Variants in SEPTIN9 observed in about 807,000 individuals in gnomAD.
SEPTIN9 encodes the protein septin 9.
SEPTIN9 carries 13 observed loss-of-function variants against 56.6 expected under a neutral mutation model. That is an observed-to-expected ratio of 0.23 (90% confidence interval 0.15 to 0.37). The LOEUF (loss-of-function observed/expected upper bound fraction) is 0.37. Among genes scored for constraint, SEPTIN9 ranks in the 10% least tolerant of loss-of-function variants. SEPTIN9 has a pLI of 1.00. For synonymous variants in SEPTIN9, 332 were observed against 334.1 expected (o/e 0.99, Z 0.07); for missense variants, 650 against 823.1 (o/e 0.79, Z 2.57).
intron 2 of SEPTIN9, among the ~76,000 whole-genome samples, chr17:77,360,686 T>C (rs960975267): frequency 5.3e-5 from 8 of 152,180 alleles, no homozygotes; most frequent in Non-Finnish European, 1.2e-4. Flanking sequence ...TGCCTGAGCT[T>C]CCAGAATAGC....
In SEPTIN9 at chr17:77,476,533, C is replaced by G. The variant is rs2039221658; in HGVS notation, c.722-5611C>G. 6.6e-6 allele frequency among the ~76,000 whole-genome samples: 1 copy of G among 152,208 alleles called. No individual in the cohort carries two copies. The highest frequency in any genetic ancestry group is 6.5e-5 in the Admixed American group (1 of 15,286). ...CCTTTCATCCCTGCCTTAGACCCACCTGCAACTCTGGAGAAAAGATGGCCC... is the reference window on the plus strand; with the variant it reads ...CCTTTCATCCCTGCCTTAGACCCACGTGCAACTCTGGAGAAAAGATGGCCC... On this transcript the variant is annotated intron_variant, in intron 3 of 11. Coordinates refer to ENST00000427177, the MANE Select transcript of SEPTIN9 (RefSeq NM_001113491.2). The surrounding 1 kb of genome is among the most constrained non-coding windows in gnomAD (Gnocchi z 6.0).
intron 4 of SEPTIN9, among the ~76,000 whole-genome samples, chr17:77,486,525 C>T (rs569676551): frequency 0.041 from 4,168 of 101,796 alleles, 72 homozygotes; most frequent in Middle Eastern, 0.097. Context: ...TGTGTGTGCG[C>T]GCACGCGCGC....
chr17:77,371,670 A>G lies in SEPTIN9; in HGVS notation c.77-30389A>G, dbSNP rs1430407745. Reference sequence around the variant, plus strand: ...AGGTGCTGGAGTTCAGACAAGACATACCCTGGCCTGGCGTGGAAGATACGG... The same window carrying G: ...AGGTGCTGGAGTTCAGACAAGACATGCCCTGGCCTGGCGTGGAAGATACGG... On this transcript the variant is annotated intron_variant, in intron 2 of 11. Transcript: ENST00000427177. This position sits in a 1 kb window ranked among gnomAD's most constrained non-coding sequence, Gnocchi z 4.1. Among the ~76,000 whole-genome samples, 1 of 152,068 alleles carries G rather than the reference A, an allele frequency of 6.6e-6. No homozygotes were observed. Among genetic ancestry groups the G allele is most frequent in the African/African-American group, 2.4e-5 (1 of 41,376 alleles).
intron 3 of SEPTIN9, chr17:77,427,044 G>A (rs1446042466): frequency 6.6e-6 from 1 of 152,244 alleles, no homozygotes; most frequent in East Asian, 1.9e-4. Context: ...AGCAGCTAAG[G>A]AATTGCTATG....
At chr17:77,404,802 G>A (rs879725959) in intron 3 of SEPTIN9, among the ~76,000 whole-genome samples, 5 of 152,130 alleles carry the variant, frequency 3.3e-5, no homozygotes, top group Non-Finnish European at 2.9e-5. Context: ...CTCAGTGTGC[G>A]AGTCCCGTGT....
chr17:77,288,630 T>C (rs988873068), intron 1 of SEPTIN9, among the ~76,000 whole-genome samples: 8 of 152,236 alleles, frequency 5.3e-5, no homozygotes, highest in Admixed American at 6.5e-5. Flanking sequence ...AGAGGAATAA[T>C]GTCCATGTAA....
Position 77,435,838 on chromosome 17 carries a change from G to A in SEPTIN9, c.721+33135G>A, listed in dbSNP as rs543093723. ...CGCAAGCTTGCCAGCGCCGCACTGC[G>A]GGATCTGGAGGCCTTTGCTCCTGAG... On this transcript the variant is annotated intron_variant, in intron 3 of 11. Coordinates refer to ENST00000427177, the MANE Select transcript of SEPTIN9 (RefSeq NM_001113491.2). This position sits in a 1 kb window ranked among gnomAD's most constrained non-coding sequence, Gnocchi z 4.5. Among the ~76,000 whole-genome samples the A allele has an allele frequency of 1.3e-5, 2 of 152,352 alleles. No homozygotes were observed. The highest frequency in any genetic ancestry group is 2.1e-4 in the South Asian group (1 of 4,830).
At chr17:77,393,837 C>T (rs1398894158) in intron 2 of SEPTIN9, among the ~76,000 whole-genome samples, 1 of 152,194 alleles carries the variant, frequency 6.6e-6, no homozygotes, top group Non-Finnish European at 1.5e-5. Flanking sequence ...CCACCCACCT[C>T]AGCCTCCCAA....
rs1598183805 is a variant in SEPTIN9 at position 77,317,664 on chromosome 17, A to G, written c.76+10467A>G. Among the ~76,000 whole-genome samples the G allele has an allele frequency of 6.6e-6, 1 of 152,176 alleles. No homozygotes were observed. The highest frequency in any genetic ancestry group is 2.4e-5 in the African/African-American group (1 of 41,426). Reference sequence around the variant, plus strand: ...AATTATCTCATTATATATTATAATAATAATAGAAATAAAGTGCACAATCAA... The same window carrying G: ...AATTATCTCATTATATATTATAATAGTAATAGAAATAAAGTGCACAATCAA... On this transcript the variant is annotated intron_variant, in intron 2 of 11. Coordinates refer to ENST00000427177, the MANE Select transcript of SEPTIN9 (RefSeq NM_001113491.2). This position sits in a 1 kb window ranked among gnomAD's most constrained non-coding sequence, Gnocchi z 4.2.
chr17:77,343,245 G>A lies in SEPTIN9; in HGVS notation c.76+36048G>A, dbSNP rs185570486. ...GCAGCCTTTCCCATCCACCTCCTGC[G>A]AGGCAAGAGGGGATGAAGGTTGAGT... On this transcript the variant is annotated intron_variant, in intron 2 of 11. Coordinates refer to ENST00000427177, the MANE Select transcript of SEPTIN9 (RefSeq NM_001113491.2). 1.9e-4 allele frequency among the ~76,000 whole-genome samples: 29 copies of A among 152,296 alleles called. No individual in the cohort carries two copies. In the East Asian group the frequency reaches 4.4e-3, roughly 23 times the overall value.
At chr17:77,430,930 G>T (rs1298114841) in intron 3 of SEPTIN9, among the ~76,000 whole-genome samples, 2 of 151,892 alleles carry the variant, frequency 1.3e-5, no homozygotes, top group African/African-American at 4.8e-5. Flanking sequence ...GGCAGAGGTT[G>T]CAGTGAGCCG....
chr17:77,498,668 T>TGCCCCCCCCCCGGG lies in SEPTIN9; in HGVS notation c.*14_*15insCCCCCCCGGGGCCC. ...AGCCCCGGAGATGTAGACGCCACCC[T>TGCCCCCCCCCCGGG]GCCCACCCCCGGGATCCTGCCCCCA... On this transcript the variant is annotated 3_prime_UTR_variant, in exon 12 of 12. Coordinates refer to ENST00000427177, the MANE Select transcript of SEPTIN9 (RefSeq NM_001113491.2). The TGCCCCCCCCCCGGG allele has an allele frequency of 1.9e-6, 3 of 1,561,518 alleles. No homozygotes were observed. Among genetic ancestry groups the TGCCCCCCCCCCGGG allele is most frequent in the South Asian group, 1.1e-5 (1 of 88,210 alleles).
intron 3 of SEPTIN9, among the ~76,000 whole-genome samples, chr17:77,467,664 C>T (rs1425243794): frequency 1.3e-5 from 2 of 152,196 alleles, no homozygotes; most frequent in African/African-American, 2.4e-5. Flanking sequence ...TGGTGGAAGC[C>T]GGAAATCATG....
intron 2 of SEPTIN9, among the ~76,000 whole-genome samples, chr17:77,315,467 T>C (rs372700673): frequency 6.6e-6 from 1 of 152,154 alleles, no homozygotes; most frequent in East Asian, 1.9e-4. Flanking sequence ...TTTGTATTTT[T>C]AGTAGAGACG....
intron 2 of SEPTIN9, among the ~76,000 whole-genome samples, chr17:77,399,301 T>G (rs1286562094): frequency 6.6e-6 from 1 of 152,118 alleles, no homozygotes; most frequent in Non-Finnish European, 1.5e-5. Context: ...AGGTCATTTG[T>G]TTTCTTGGGT....
At position 77,402,494 on chromosome 17, in the gene SEPTIN9, A is replaced by G. The variant is rs372055696; in HGVS notation, c.512A>G (p.Lys171Arg). 2.5e-6 allele frequency: 4 copies of G among 1,603,242 alleles called. No individual in the cohort carries two copies. The highest frequency in any genetic ancestry group is 3.4e-6 in the Non-Finnish European group (4 of 1,175,520). ...AHRRMEPPASKVPEVPTAPAT... is the reference protein window; with the variant it reads ...AHRRMEPPASRVPEVPTAPAT... ...CGGAGGATGGAGCCCCCTGCCTCCAAGGTCCCCGAGGTGCCCACTGCCCCT... is the reference window on the plus strand; with the variant it reads ...CGGAGGATGGAGCCCCCTGCCTCCAGGGTCCCCGAGGTGCCCACTGCCCCT... Residue 171 changes from lysine (K) to arginine (R), a missense_variant, in exon 3 of 12, where the codon AAG becomes AGG. Physicochemically the swap from Lys to Arg is conservative, Grantham distance 26. Around this residue, in one of 2 missense-constraint regions of SEPTIN9, gnomAD observed 317 missense variants for 329.1 expected, o/e 0.96. Coordinates refer to ENST00000427177, the MANE Select transcript of SEPTIN9 (RefSeq NM_001113491.2). This position sits in a 1 kb window ranked among gnomAD's most constrained non-coding sequence, Gnocchi z 6.6.
intron 10 of SEPTIN9, among the ~76,000 whole-genome samples, chr17:77,495,469 A>C (rs1412081810): frequency 1.3e-5 from 2 of 152,090 alleles, no homozygotes; most frequent in Non-Finnish European, 2.9e-5. Flanking sequence ...CTTAGAAACC[A>C]CCCCAAGTAT....
chr17:77,310,135 T>C lies in SEPTIN9; in HGVS notation c.76+2938T>C, dbSNP rs916000977. 6.7e-5 allele frequency among the ~76,000 whole-genome samples: 10 copies of C among 150,342 alleles called. No individual in the cohort carries two copies. Among genetic ancestry groups the C allele is most frequent in the Non-Finnish European group, 1.0e-4 (7 of 67,960 alleles). The stretch of plus-strand genomic sequence containing the variant: ...CCAGGATTACAGGCACCCGCCACCA[T>C]GTCTGGCTAATTTTTTTTGTATTTT... On this transcript the variant is annotated intron_variant, in intron 2 of 11. Transcript: ENST00000427177. This position sits in a 1 kb window ranked among gnomAD's most constrained non-coding sequence, Gnocchi z 4.7.
chr17:77,415,526 T>A (rs1023469894), intron 3 of SEPTIN9, among the ~76,000 whole-genome samples: 4 of 150,614 alleles, frequency 2.7e-5, no homozygotes, highest in Non-Finnish European at 4.4e-5. Flanking sequence ...AGAATCTGCT[T>A]GATTCCAGGA....
Sources: allele counts gnomAD v4.1 joint callset (sites outside exome capture counted in the v4.1 genomes callset), GRCh38; gene constraint gnomAD v4.1.1; regional missense constraint gnomAD v4.1.1; non-coding constraint Gnocchi (gnomAD v3.1); transcripts MANE v1.5; gene names NCBI Gene and HGNC (gene_info 2026-07-23, HGNC 2026-07-21).